The following FOSL2 variants were observed in gnomAD, a reference collection of about 807,000 sequenced individuals.
FOSL2 encodes the protein fos-related antigen 2.
A neutral mutation model predicts 27.7 loss-of-function variants in FOSL2; 3 were observed. The observed-to-expected ratio is 0.11, with a 90% CI of 0.05 to 0.28. The LOEUF (loss-of-function observed/expected upper bound fraction) is 0.28, where lower values mean the gene tolerates loss of function less well. Ranked by LOEUF, FOSL2 falls within the 10% of genes least tolerant of loss-of-function variation. The probability of loss-of-function intolerance (pLI) is 1.00; values close to 1 mark genes in which losing one functional copy is unlikely to be tolerated. For missense variants in FOSL2, 333 were observed against 445.1 expected, an observed-to-expected ratio of 0.75 and a Z score of 2.27; for synonymous variants, 179 against 190.1, an observed-to-expected ratio of 0.94 and a Z score of 0.48.
intron 1 of FOSL2, among the ~76,000 whole-genome samples, chr2:28,403,044 G>A (rs1479515594): frequency 6.6e-6 from 1 of 152,130 alleles, no homozygotes; most frequent in Non-Finnish European, 1.5e-5. Flanking sequence ...GAAACTACTT[G>A]GAGAAGCTTT....
intron 1 of FOSL2, among the ~76,000 whole-genome samples, chr2:28,399,668 C>T (rs114958465): frequency 2.4e-3 from 360 of 152,282 alleles, no homozygotes; most frequent in Non-Finnish European, 4.5e-3. Flanking sequence ...CCCGTCTCCT[C>T]GGCTACCTGG....
Position 28,413,430 on chromosome 2 carries a change from G to A in FOSL2, c.*982G>A, listed in dbSNP as rs368863451. On this transcript the variant is annotated 3_prime_UTR_variant, in exon 4 of 4. Transcript: ENST00000264716. Reference sequence around the variant, plus strand: ...ACACATTATACTCCAAGTCCCTGCCGGGCTCCGCCTTTCCCCCACCCTGGC... The same window carrying A: ...ACACATTATACTCCAAGTCCCTGCCAGGCTCCGCCTTTCCCCCACCCTGGC... 8 of 398,500 alleles carry A rather than the reference G, an allele frequency of 2.0e-5. No individual in the cohort carries two copies. The highest frequency in any genetic ancestry group is 1.3e-4 in the Admixed American group (3 of 22,708). 24.7% of individuals were successfully genotyped at this position (398,500 alleles called of 1,614,324 possible). A position where few individuals can be genotyped will look rare whatever the true frequency, so the allele number is the denominator to read the frequency against.
At chr2:28,399,995 C>T (rs941289858) in intron 1 of FOSL2, among the ~76,000 whole-genome samples, 1 of 152,110 alleles carries the variant, frequency 6.6e-6, no homozygotes, top group African/African-American at 2.4e-5. Flanking sequence ...TGGATGGGGA[C>T]CACTATATCC....
At chr2:28,396,516 T>C (rs545601841) in intron 1 of FOSL2, among the ~76,000 whole-genome samples, 5 of 152,228 alleles carry the variant, frequency 3.3e-5, no homozygotes, top group African/African-American at 7.2e-5. Flanking sequence ...CTCCCAGATA[T>C]ATGCCCTGCC....
At chr2:28,397,557 C>T (rs1264744485) in intron 1 of FOSL2, among the ~76,000 whole-genome samples, 1 of 152,208 alleles carries the variant, frequency 6.6e-6, no homozygotes, top group Non-Finnish European at 1.5e-5. Context: ...GTCTGAAAGG[C>T]ATTTGAATTT....
At chr2:28,403,983 C>G in intron 1 of FOSL2, 124 bp from the exon 2 acceptor site, 1 of 1,153,994 alleles carries the variant, frequency 8.7e-7, no homozygotes, top group Non-Finnish European at 1.2e-6. Context: ...GGGTCCTGAC[C>G]TTGCCCTTCG....
intron 1 of FOSL2, among the ~76,000 whole-genome samples, chr2:28,403,714 C>T (rs959666998): frequency 2.6e-5 from 4 of 152,194 alleles, no homozygotes; most frequent in African/African-American, 9.6e-5. Context: ...TGGCAGGCGA[C>T]TCAGAGGCTT....
chr2:28,406,479 A>G (rs1282926274), intron 2 of FOSL2, among the ~76,000 whole-genome samples: 1 of 152,154 alleles, frequency 6.6e-6, no homozygotes, highest in Non-Finnish European at 1.5e-5. Flanking sequence ...AGACAAGGAA[A>G]CGGAGACCCA....
rs1042560697 is a variant in FOSL2, at chr2:28,413,214, T to G, written c.*766T>G. 2 of 323,452 alleles carry G rather than the reference T, an allele frequency of 6.2e-6. No individual in the cohort carries two copies. Among genetic ancestry groups the G allele is most frequent in the Non-Finnish European group, 1.1e-5 (2 of 178,368 alleles). The allele number at this position is 323,452 out of a possible 1,614,324, so 20.0% of individuals were successfully genotyped here. Reference sequence around the variant, plus strand: ...AGAAGACAGGGTGTGAGTGAGACAGTGGGGCACAGGTTGGGTTTGCCAAAC... The same window carrying G: ...AGAAGACAGGGTGTGAGTGAGACAGGGGGGCACAGGTTGGGTTTGCCAAAC... On this transcript the variant is annotated 3_prime_UTR_variant, in exon 4 of 4. Coordinates refer to ENST00000264716, the MANE Select transcript of FOSL2 (RefSeq NM_005253.4).
intron 3 of FOSL2, chr2:28,410,455 G>C (rs1308496397): frequency 1.2e-6 from 1 of 815,660 alleles, no homozygotes. Flanking sequence ...CCAGGCCCCT[G>C]AGCCACATCC....
At chr2:28,395,314 C>G (rs1663793053) in intron 1 of FOSL2, among the ~76,000 whole-genome samples, 1 of 152,246 alleles carries the variant, frequency 6.6e-6, no homozygotes, top group African/African-American at 2.4e-5. Context: ...AAACGCCTGT[C>G]TGTCTCCTCC....
rs1664260621 is a variant in FOSL2 at position 28,413,934 on chromosome 2, G to GA, written c.*1488dup. Reference sequence around the variant, plus strand: ...AGCTGCCCCCTTTCACGGGGTTGGGGAAGGGTCCCCCTGGCCTCCAGCAGG... The same window carrying GA: ...AGCTGCCCCCTTTCACGGGGTTGGGGAAAGGGTCCCCCTGGCCTCCAGCAGG... On this transcript the variant is annotated 3_prime_UTR_variant, in exon 4 of 4. Coordinates refer to ENST00000264716, the MANE Select transcript of FOSL2 (RefSeq NM_005253.4). 1 of 397,804 alleles carries GA rather than the reference G, an allele frequency of 2.5e-6. No individual in the cohort carries two copies. The highest frequency in any genetic ancestry group is 1.4e-4 in the South Asian group (1 of 7,242). 24.6% of individuals were successfully genotyped at this position (397,804 alleles called of 1,614,324 possible).
At position 28,415,929 on chromosome 2, in the gene FOSL2, C is replaced by T. The variant is rs1255101172; in HGVS notation, c.*3481C>T. The T allele has an allele frequency of 2.6e-5, 4 of 152,192 alleles. No homozygotes were observed. The highest frequency in any genetic ancestry group is 9.7e-5 in the African/African-American group (4 of 41,446). The allele number at this position is 152,192 out of a possible 1,614,324, so 9.4% of individuals were successfully genotyped here. On this transcript the variant is annotated 3_prime_UTR_variant, in exon 4 of 4. Transcript: ENST00000264716. ...CCACTCCATACTTCTCCTTCTACCCCACCATGTGCTCCCGTGCACTCCTCA... is the reference window on the plus strand; with the variant it reads ...CCACTCCATACTTCTCCTTCTACCCTACCATGTGCTCCCGTGCACTCCTCA...
At chr2:28,407,106 GA>G (rs912987153) in intron 2 of FOSL2, among the ~76,000 whole-genome samples, 25 of 152,336 alleles carry the variant, frequency 1.6e-4, no homozygotes, top group African/African-American at 6.0e-4. Context: ...AAGTTGTCCA[GA>G]AGCAGCCAAG....
At chr2:28,395,736 G>C (rs1418361848) in intron 1 of FOSL2, 2 of 152,222 alleles carry the variant, frequency 1.3e-5, no homozygotes, top group African/African-American at 4.8e-5. Context: ...ATTCGGCCCG[G>C]CAGTGTGTGA....
Position 28,408,921 on chromosome 2 carries a change from C to CA in FOSL2, c.462+55_462+56insA. The CA allele has an allele frequency of 7.9e-7, 1 of 1,258,802 alleles. No homozygotes were observed. The highest frequency in any genetic ancestry group is 1.4e-5 in the South Asian group (1 of 71,674). The allele number at this position is 1,258,802 out of a possible 1,614,324, so 78.0% of individuals were successfully genotyped here. On this transcript the variant is annotated intron_variant, in intron 3 of 3. Transcript: ENST00000264716. This position sits in a 1 kb window ranked among gnomAD's most constrained non-coding sequence, Gnocchi z 4.1. The stretch of plus-strand genomic sequence containing the variant: ...CTCTGGGTGGGCTGGAGTGAGAGCC[C>CA]CGGGGGTCCTGATCCTCTCTCCCAC...
rs1025607344 is a variant in FOSL2, at chr2:28,392,925, C to G, written c.-796C>G. On this transcript the variant is annotated 5_prime_UTR_variant, in exon 1 of 4. Transcript: ENST00000264716. ...CCAGCGAGCGAGCGAACGAGCGGCG[C>G]TCGGCGGGGACAGAAAGAGGGAGAG... 10 of 712,550 alleles carry G rather than the reference C, an allele frequency of 1.4e-5. No homozygotes were observed. In the East Asian group the frequency reaches 2.2e-4, roughly 15 times the overall value. 44.1% of individuals were successfully genotyped at this position (712,550 alleles called of 1,614,324 possible).
Position 28,416,955 on chromosome 2 carries a change from T to C in FOSL2, c.*4507T>C, listed in dbSNP as rs1309169387. ...TTAATTACCTTTCTGGGCACTTTTT[T>C]TTTTTTTTTTTTTTTAAGTAATGGT... On this transcript the variant is annotated 3_prime_UTR_variant, in exon 4 of 4. Transcript: ENST00000264716. The C allele has an allele frequency of 6.6e-5, 10 of 151,018 alleles. No homozygotes were observed. The highest frequency in any genetic ancestry group is 1.3e-4 in the Non-Finnish European group (9 of 67,752). 9.4% of individuals were successfully genotyped at this position (151,018 alleles called of 1,614,324 possible). A position where few individuals can be genotyped will look rare whatever the true frequency, so the allele number is the denominator to read the frequency against.
rs772174969 is a variant in FOSL2 at position 28,411,935 on chromosome 2, A to G, written c.468A>G (p.Thr156=). ...TCCCTCTCTTTCCGTGGCAGGAGACAGAGGAGCTGGAGGAGGAGAAGTCAG... is the reference window on the plus strand; with the variant it reads ...TCCCTCTCTTTCCGTGGCAGGAGACGGAGGAGCTGGAGGAGGAGAAGTCAG... ...RELTEKLQAE[T]EELEEEKSGL... is the part of the protein sequence containing the mutation. Residue 156 remains threonine (T), a synonymous_variant, in exon 4 of 4, where the codon ACA becomes ACG. Coordinates refer to ENST00000264716, the MANE Select transcript of FOSL2 (RefSeq NM_005253.4). The G allele has an allele frequency of 4.3e-6, 7 of 1,614,048 alleles. No homozygotes were observed. In the Admixed American group the frequency reaches 1.2e-4, roughly 27 times the overall value.
Sources: gnomAD v4.1 joint callset for allele counts (sites outside exome capture counted in the v4.1 genomes callset) on GRCh38, gnomAD v4.1.1 for gene constraint, Gnocchi (gnomAD v3.1) non-coding constraint, MANE v1.5 for transcripts, NCBI Gene and HGNC (gene_info 2026-07-23, HGNC 2026-07-21) for gene names.